NGEF: variants seen among roughly 807,000 people sequenced by gnomAD.
NGEF encodes the protein ephexin-1.
In NGEF, 31 loss-of-function variants were observed where a neutral mutation model predicts 80.9. The ratio of observed to expected loss-of-function variants is 0.38; its 90% CI spans 0.29 to 0.52. NGEF has a LOEUF of 0.52. Among genes scored for constraint, NGEF ranks in the 20% least tolerant of loss-of-function variants. NGEF has a pLI of 0.84. For synonymous variants in NGEF, 371 were observed against 370.2 expected, an observed-to-expected ratio of 1.00 and a Z score of -0.03; for missense variants, 709 against 926.2, an observed-to-expected ratio of 0.77 and a Z score of 3.04.
At chr2:232,896,147 C>T (rs952712940) in intron 5 of NGEF, among the ~76,000 whole-genome samples, 4 of 152,214 alleles carry the variant, frequency 2.6e-5, no homozygotes, top group African/African-American at 9.6e-5. Context: ...CATGTCCTAA[C>T]CCCAGCACCT....
intron 5 of NGEF, among the ~76,000 whole-genome samples, chr2:232,904,351 C>T (rs1371676168): frequency 6.6e-6 from 1 of 152,068 alleles, no homozygotes; most frequent in African/African-American, 2.4e-5. Context: ...GCCTCAGCCT[C>T]CCGAGTAGCT....
At chr2:233,002,125 G>A (rs1344518288) in intron 1 of NGEF, among the ~76,000 whole-genome samples, 1 of 152,164 alleles carries the variant, frequency 6.6e-6, no homozygotes, top group Non-Finnish European at 1.5e-5. Context: ...GTAAACCCTA[G>A]ATCCTCCTGT....
intron 3 of NGEF, among the ~76,000 whole-genome samples, chr2:232,961,832 G>T (rs1488827054): frequency 6.6e-6 from 1 of 152,204 alleles, no homozygotes; most frequent in Non-Finnish European, 1.5e-5. Flanking sequence ...GTGGCCAGCT[G>T]AGATGAATGG....
At chr2:232,887,163 C>G (rs1370042275) in intron 9 of NGEF, among the ~76,000 whole-genome samples, 1 of 152,184 alleles carries the variant, frequency 6.6e-6, no homozygotes. Flanking sequence ...ATGGACATCC[C>G]CCGCCTTGCT....
intron 9 of NGEF, among the ~76,000 whole-genome samples, chr2:232,887,288 G>C (rs1691724280): frequency 6.6e-6 from 1 of 152,234 alleles, no homozygotes; most frequent in African/African-American, 2.4e-5. Flanking sequence ...CATGGTAAGA[G>C]CTCCTGAGGA....
chr2:232,972,744 CT>C (rs61594239), intron 2 of NGEF, among the ~76,000 whole-genome samples: 117 of 123,244 alleles, frequency 9.5e-4, no homozygotes, highest in African/African-American at 2.7e-3. Context: ...TGTCCTTATC[CT>C]TTTTTTTTTT....
At position 232,983,515 on chromosome 2, in the gene NGEF, G is replaced by C. The variant is rs1250340657; in HGVS notation, c.-74-8551C>G. On this transcript the variant is annotated intron_variant, in intron 1 of 14. Coordinates refer to ENST00000264051, the MANE Select transcript of NGEF (RefSeq NM_019850.3). ...TGAGAGGTCAGGGGTGCCTATCTGA[G>C]CAGAGGCCTGCAGGAGGGAAGCCAG... Among the ~76,000 whole-genome samples, 4 of 152,192 alleles carry C rather than the reference G, an allele frequency of 2.6e-5. No individual in the cohort carries two copies. The East Asian group carries it at 7.7e-4, about 29-fold the overall frequency.
At chr2:232,898,653 G>A (rs946135517) in intron 5 of NGEF, among the ~76,000 whole-genome samples, 4 of 152,200 alleles carry the variant, frequency 2.6e-5, no homozygotes, top group Admixed American at 2.6e-4. Flanking sequence ...GGCTCTGCTC[G>A]CTCTTCATTC....
In NGEF at chr2:232,914,610, C is replaced by T. The variant is rs145359310; in HGVS notation, c.828+5674G>A. Among the ~76,000 whole-genome samples, 764 of 151,842 alleles carry T rather than the reference C, an allele frequency of 5.0e-3. 5 individuals carry two copies. The highest frequency in any genetic ancestry group is 0.017 in the African/African-American group (691 of 41,396). On this transcript the variant is annotated intron_variant, in intron 5 of 14. Coordinates refer to ENST00000264051, the MANE Select transcript of NGEF (RefSeq NM_019850.3). ...CTCAGCCACTTGGGAGGCTGAGGCA[C>T]GAGAATTGCTTGAACCCAGGAGGCT...
chr2:232,913,493 G>C (rs1692731505), intron 5 of NGEF, among the ~76,000 whole-genome samples: 1 of 152,204 alleles, frequency 6.6e-6, no homozygotes, highest in African/African-American at 2.4e-5. Flanking sequence ...CCTTTGGGTT[G>C]ATGGTGGCCG....
chr2:233,001,125 C>G (rs1175129453), intron 1 of NGEF, among the ~76,000 whole-genome samples: 1 of 152,164 alleles, frequency 6.6e-6, no homozygotes, highest in African/African-American at 2.4e-5. Context: ...CAGGGTGGAG[C>G]TTTGGCCCAG....
intron 3 of NGEF, among the ~76,000 whole-genome samples, chr2:232,933,579 C>A (rs1028612556): frequency 6.6e-6 from 1 of 152,352 alleles, no homozygotes; most frequent in Admixed American, 6.5e-5. Context: ...GGAATCCCAT[C>A]CCTCTGAGGG....
chr2:232,891,636 A>C (rs1691888227), intron 7 of NGEF, 149 bp from the exon 8 acceptor site: 2 of 919,776 alleles, frequency 2.2e-6, no homozygotes, highest in South Asian at 1.8e-5. Context: ...TTTCAAAAGG[A>C]AAATAGACTG....
At chr2:232,898,814 G>A (rs1692176044) in intron 5 of NGEF, among the ~76,000 whole-genome samples, 1 of 152,268 alleles carries the variant, frequency 6.6e-6, no homozygotes. Context: ...GGAAGTGTGA[G>A]CCTGTGAGGG....
rs181594040 is a variant in NGEF at position 232,918,016 on chromosome 2, C to T, written c.828+2268G>A. 4.7e-3 allele frequency among the ~76,000 whole-genome samples: 717 copies of T among 151,932 alleles called. 8 individuals carry two copies. Among genetic ancestry groups the T allele is most frequent in the African/African-American group, 0.017 (685 of 41,424 alleles). On this transcript the variant is annotated intron_variant, in intron 5 of 14. Transcript: ENST00000264051. ...TGGCCCAGGCTGGGGTGCAGTTGCG[C>T]GATCTTGGCTCACTGCAACCTCTGC... is the stretch of plus-strand genomic sequence containing the variant.
chr2:232,935,410 G>C (rs1011315741), intron 3 of NGEF, among the ~76,000 whole-genome samples: 1 of 152,208 alleles, frequency 6.6e-6, no homozygotes, highest in African/African-American at 2.4e-5. Flanking sequence ...TTGAGGTCAG[G>C]AGTTCAAGAT....
intron 3 of NGEF, among the ~76,000 whole-genome samples, chr2:232,962,853 T>A (rs1035227168): frequency 3.3e-5 from 5 of 151,872 alleles, no homozygotes; most frequent in African/African-American, 1.2e-4. Context: ...GTGTCAATGA[T>A]CTCTTAATTT....
At position 232,963,962 on chromosome 2, in the gene NGEF, C is replaced by T. The variant is rs565201636; in HGVS notation, c.383+6252G>A. Among the ~76,000 whole-genome samples the T allele has an allele frequency of 4.6e-5, 7 of 152,184 alleles. No individual in the cohort carries two copies. In the South Asian group the frequency reaches 8.3e-4, roughly 18 times the overall value. ...AATGGTTAGGCATCTTAAACAGGCACCATGAATGGCCAATAAACATATGAA... is the reference window on the plus strand; with the variant it reads ...AATGGTTAGGCATCTTAAACAGGCATCATGAATGGCCAATAAACATATGAA... On this transcript the variant is annotated intron_variant, in intron 3 of 14. Coordinates refer to ENST00000264051, the MANE Select transcript of NGEF (RefSeq NM_019850.3).
At chr2:232,993,554 A>G (rs1574657997) in intron 1 of NGEF, among the ~76,000 whole-genome samples, 1 of 152,254 alleles carries the variant, frequency 6.6e-6, no homozygotes, top group Middle Eastern at 3.4e-3. Flanking sequence ...ATGACTCAAC[A>G]ATTCTCTTCC....
Sources: gnomAD v4.1 joint callset for allele counts (sites outside exome capture counted in the v4.1 genomes callset) on GRCh38, gnomAD v4.1.1 for gene constraint, MANE v1.5 for transcripts, NCBI Gene and HGNC (gene_info 2026-07-23, HGNC 2026-07-21) for gene names.